Variants in PBX3 observed in about 807,000 individuals in gnomAD.
PBX3 encodes the protein pre-B-cell leukemia transcription factor 3.
A neutral mutation model predicts 48.5 loss-of-function variants in PBX3; 14 were observed. That is an observed-to-expected ratio of 0.29 (90% confidence interval 0.19 to 0.45). The LOEUF is 0.45. Ranked by LOEUF, PBX3 falls within the 20% of genes least tolerant of loss-of-function variation. PBX3 has a pLI of 1.00. For synonymous variants in PBX3, 210 were observed against 200.3 expected (o/e 1.05, Z -0.41); for missense variants, 386 against 546.7 (o/e 0.71, Z 2.93).
intron 2 of PBX3, among the ~76,000 whole-genome samples, chr9:125,812,904 T>G (rs1838334549): frequency 1.3e-5 from 2 of 152,198 alleles, no homozygotes; most frequent in South Asian, 4.1e-4. Context: ...TAAAACATGG[T>G]ATAGCTGTAT....
At chr9:125,930,061 A>G (rs1276074171) in intron 4 of PBX3, among the ~76,000 whole-genome samples, 1 of 152,210 alleles carries the variant, frequency 6.6e-6, no homozygotes, top group Non-Finnish European at 1.5e-5. Context: ...GACTCAGGAA[A>G]TGAATAGGAT....
intron 2 of PBX3, among the ~76,000 whole-genome samples, chr9:125,903,212 T>G (rs1367966626): frequency 6.6e-6 from 1 of 151,842 alleles, no homozygotes; most frequent in African/African-American, 2.4e-5. Flanking sequence ...TGGCCTTGTT[T>G]GATTAGGACT....
chr9:125,858,980 G>T (rs928692459), intron 2 of PBX3, among the ~76,000 whole-genome samples: 3 of 152,170 alleles, frequency 2.0e-5, no homozygotes, highest in Non-Finnish European at 4.4e-5. Flanking sequence ...AAAATGAATA[G>T]CTAGAGATAG....
chr9:125,916,696 CAA>C lies in PBX3; in HGVS notation c.516+770_516+771del, dbSNP rs111488272. On this transcript the variant is annotated intron_variant, in intron 3 of 8. Transcript: ENST00000373489. ...AGAGATGTTAAAATGTGGAGAAAAA[CAA>C]GAGAGTCTTAGATTTAATGTAATAA... Among the ~76,000 whole-genome samples the C allele has an allele frequency of 9.8e-4, 149 of 152,118 alleles. 2 individuals carry two copies. Among genetic ancestry groups the C allele is most frequent in the African/African-American group, 3.4e-3 (141 of 41,504 alleles).
intron 2 of PBX3, among the ~76,000 whole-genome samples, chr9:125,812,769 A>G (rs920101266): frequency 6.6e-6 from 1 of 152,252 alleles, no homozygotes; most frequent in Non-Finnish European, 1.5e-5. Flanking sequence ...GGGATAGCTC[A>G]TTATTGTTCC....
chr9:125,847,540 A>G (rs1007017727), intron 2 of PBX3, among the ~76,000 whole-genome samples: 5 of 152,056 alleles, frequency 3.3e-5, no homozygotes, highest in African/African-American at 9.7e-5. Context: ...ATAGTAAAAT[A>G]GTGGTATGCT....
chr9:125,822,790 A>T (rs924407280), intron 2 of PBX3, among the ~76,000 whole-genome samples: 1 of 152,096 alleles, frequency 6.6e-6, no homozygotes, highest in Non-Finnish European at 1.5e-5. Context: ...TCAGTATAGT[A>T]GCTTATTATA....
At chr9:125,952,262 T>C (rs1347587477) in intron 5 of PBX3, among the ~76,000 whole-genome samples, 3 of 152,248 alleles carry the variant, frequency 2.0e-5, no homozygotes, top group African/African-American at 7.2e-5. Context: ...TAATGATGTT[T>C]TAGTGTCAGC....
Position 125,906,652 on chromosome 9 carries a change from G to A in PBX3, c.275-9034G>A, listed in dbSNP as rs118023574. ...AAGTATATATGGTATTTTAATTCAA[G>A]TGGGGTCTAGTATTTTCATTTGAGA... On this transcript the variant is annotated intron_variant, in intron 2 of 8. Transcript: ENST00000373489. 2.1e-3 allele frequency among the ~76,000 whole-genome samples: 313 copies of A among 152,108 alleles called. 2 individuals are homozygous for A. Among genetic ancestry groups the A allele is most frequent in the Non-Finnish European group, 3.7e-3 (253 of 67,938 alleles).
At chr9:125,871,407 C>G (rs1421223179) in intron 2 of PBX3, among the ~76,000 whole-genome samples, 1 of 149,684 alleles carries the variant, frequency 6.7e-6, no homozygotes, top group African/African-American at 2.4e-5. Flanking sequence ...TCTAAAAAAA[C>G]CCAGGTGTTC....
chr9:125,751,366 G>C (rs1319533411), intron 2 of PBX3, among the ~76,000 whole-genome samples: 1 of 152,166 alleles, frequency 6.6e-6, no homozygotes, highest in Non-Finnish European at 1.5e-5. Context: ...TGAGGTTTCT[G>C]ATCAGGCAGT....
intron 2 of PBX3, among the ~76,000 whole-genome samples, chr9:125,913,389 G>A (rs1841249937): frequency 6.6e-6 from 1 of 152,030 alleles, no homozygotes; most frequent in Admixed American, 6.6e-5. Flanking sequence ...AATTGATACT[G>A]TATACTTATA....
intron 2 of PBX3, among the ~76,000 whole-genome samples, chr9:125,786,238 C>T (rs1182946611): frequency 6.6e-6 from 1 of 152,122 alleles, no homozygotes; most frequent in Non-Finnish European, 1.5e-5. Flanking sequence ...TTGAGCTACA[C>T]ATATGAACTG....
chr9:125,772,638 A>G (rs1220502562), intron 2 of PBX3, among the ~76,000 whole-genome samples: 16 of 152,340 alleles, frequency 1.1e-4, no homozygotes, highest in African/African-American at 9.6e-5. Context: ...TAAGGCCACT[A>G]ATTCGTAGCT....
chr9:125,809,339 T>C (rs369556475), intron 2 of PBX3, among the ~76,000 whole-genome samples: 3 of 152,148 alleles, frequency 2.0e-5, no homozygotes, highest in African/African-American at 7.2e-5. Context: ...ATTTTATTCT[T>C]GGGAAAAAAT....
chr9:125,748,268 C>G (rs1329295762), intron 1 of PBX3: 1 of 1,071,048 alleles, frequency 9.3e-7, no homozygotes, highest in Non-Finnish European at 1.1e-6. Flanking sequence ...TCGCCTGCCC[C>G]CGGGGCGAGG....
At chr9:125,753,766 C>G (rs560195547) in intron 2 of PBX3, among the ~76,000 whole-genome samples, 1 of 152,146 alleles carries the variant, frequency 6.6e-6, no homozygotes, top group African/African-American at 2.4e-5. Flanking sequence ...CCCCGACTTG[C>G]CCCAAAGAGC....
chr9:125,843,839 G>T (rs560415395), intron 2 of PBX3: 62 of 455,802 alleles, frequency 1.4e-4, no homozygotes, highest in African/African-American at 1.1e-3. Context: ...GAAAGTGCAG[G>T]CCTGCTGAGG....
chr9:125,933,796 A>G lies in PBX3; in HGVS notation c.708-1676A>G, dbSNP rs148223876. On this transcript the variant is annotated intron_variant, in intron 4 of 8. Coordinates refer to ENST00000373489, the MANE Select transcript of PBX3 (RefSeq NM_006195.6). Reference sequence around the variant, plus strand: ...AAACCTAGATTTTTATGAGCAGGTAATTACTGTGTGGTCTCAATAAATAAT... The same window carrying G: ...AAACCTAGATTTTTATGAGCAGGTAGTTACTGTGTGGTCTCAATAAATAAT... 3.9e-5 allele frequency among the ~76,000 whole-genome samples: 6 copies of G among 152,246 alleles called. No individual in the cohort carries two copies. The East Asian group carries it at 1.2e-3, about 29-fold the overall frequency.
Sources: allele counts gnomAD v4.1 joint callset (sites outside exome capture counted in the v4.1 genomes callset), GRCh38; gene constraint gnomAD v4.1.1; transcripts MANE v1.5; gene names NCBI Gene and HGNC (gene_info 2026-07-23, HGNC 2026-07-21).